The following CREBRF variants were observed in gnomAD, a reference collection of about 807,000 sequenced individuals.
CREBRF encodes CREB3 regulatory factor.
A neutral mutation model predicts 66.1 loss-of-function variants in CREBRF; 5 were observed. The observed-to-expected ratio is 0.08, with a 90% confidence interval of 0.04 to 0.16. The LOEUF (loss-of-function observed/expected upper bound fraction) is 0.16, where lower values mean the gene tolerates loss of function less well. CREBRF is among the 10% of genes least tolerant of loss of function. CREBRF has a pLI of 1.00. For missense variants in CREBRF, 531 were observed against 744.9 expected, an observed-to-expected ratio of 0.71 and a Z score of 3.34; for synonymous variants, 229 against 264.4, an observed-to-expected ratio of 0.87 and a Z score of 1.30.
chr5:173,106,826 T>C (rs756669785), intron 4 of CREBRF, among the ~76,000 whole-genome samples: 37 of 152,138 alleles, frequency 2.4e-4, no homozygotes, highest in Non-Finnish European at 4.4e-4. Flanking sequence ...CTTGGCTCAC[T>C]GCAACCTCTG....
intron 1 of CREBRF, 56 bp from the exon 2 acceptor site, chr5:173,080,529 A>G: frequency 1.9e-6 from 1 of 529,680 alleles, no homozygotes; most frequent in Admixed American, 3.3e-5. Flanking sequence ...TTTTTTTTTG[A>G]AACATCAACT....
intron 3 of CREBRF, among the ~76,000 whole-genome samples, chr5:173,089,185 A>C (rs1192764975): frequency 2.7e-5 from 4 of 149,962 alleles, no homozygotes; most frequent in South Asian, 2.1e-4. Context: ...TCAAAAAAAA[A>C]AAAAACAAAA....
intron 7 of CREBRF, among the ~76,000 whole-genome samples, chr5:173,115,845 C>T (rs3131914): frequency 0.019 from 2,800 of 151,152 alleles, 25 homozygotes; most frequent in Non-Finnish European, 0.031. Flanking sequence ...CTCCTGACCT[C>T]GTGATCCGCC....
At chr5:173,070,667 C>T (rs1234529623) in intron 1 of CREBRF, among the ~76,000 whole-genome samples, 1 of 151,978 alleles carries the variant, frequency 6.6e-6, no homozygotes, top group Non-Finnish European at 1.5e-5. Context: ...AAATATCACT[C>T]TTCTTGGAAA....
chr5:173,083,980 C>G (rs1262038681), intron 2 of CREBRF, among the ~76,000 whole-genome samples: 2 of 152,070 alleles, frequency 1.3e-5, no homozygotes, highest in Non-Finnish European at 2.9e-5. Context: ...AAAAAATCAG[C>G]AAATGGCAGA....
chr5:173,088,215 G>T (rs1029980204), intron 3 of CREBRF, among the ~76,000 whole-genome samples: 3 of 148,918 alleles, frequency 2.0e-5, no homozygotes, highest in African/African-American at 7.4e-5. Context: ...TTCCATTCTG[G>T]AGGCTCCAGG....
chr5:173,057,808 G>A (rs1446098818), intron 1 of CREBRF: 1 of 129,466 alleles, frequency 7.7e-6, no homozygotes, highest in Non-Finnish European at 1.7e-5. Context: ...GCTGGGCGGG[G>A]TTTCTTTTTT....
chr5:173,063,007 A>G (rs1345917251), intron 1 of CREBRF, among the ~76,000 whole-genome samples: 1 of 152,076 alleles, frequency 6.6e-6, no homozygotes, highest in Non-Finnish European at 1.5e-5. Flanking sequence ...TCGGCCTCCC[A>G]AAGTGCTGGG....
chr5:173,075,001 G>A (rs373853811), intron 1 of CREBRF, among the ~76,000 whole-genome samples: 1 of 152,140 alleles, frequency 6.6e-6, no homozygotes, highest in African/African-American at 2.4e-5. Flanking sequence ...TTGCAAGGTG[G>A]TATGGCAAAA....
chr5:173,072,739 A>G (rs1246569398), intron 1 of CREBRF, among the ~76,000 whole-genome samples: 1 of 151,990 alleles, frequency 6.6e-6, no homozygotes, highest in Non-Finnish European at 1.5e-5. Flanking sequence ...GGGCATAAGA[A>G]CTCAAGAGAG....
chr5:173,082,363 A>G (rs921672410), intron 2 of CREBRF, among the ~76,000 whole-genome samples: 1 of 151,960 alleles, frequency 6.6e-6, no homozygotes, highest in Admixed American at 6.6e-5. Flanking sequence ...CTTAAATTTT[A>G]AACTTATTTT....
In CREBRF at chr5:173,098,249, G is replaced by A. The variant is rs147659891; in HGVS notation, c.1222+6848G>A. Among the ~76,000 whole-genome samples, 57 of 150,232 alleles carry A rather than the reference G, an allele frequency of 3.8e-4. No homozygotes were observed. The East Asian group carries it at 9.4e-3, about 25-fold the overall frequency. On this transcript the variant is annotated intron_variant, in intron 4 of 8. Transcript: ENST00000296953. Reference sequence around the variant, plus strand: ...GTCACCCAGGCTGGAGCGCAGTGGCGCAATCTCTGCTCACTGCAAGCTCCG... The same window carrying A: ...GTCACCCAGGCTGGAGCGCAGTGGCACAATCTCTGCTCACTGCAAGCTCCG...
At chr5:173,061,010 C>A (rs533944521) in intron 1 of CREBRF, among the ~76,000 whole-genome samples, 8 of 152,158 alleles carry the variant, frequency 5.3e-5, no homozygotes, top group South Asian at 2.1e-4. Flanking sequence ...TTCTGTCCCC[C>A]CTGCTGGAGT....
intron 1 of CREBRF, among the ~76,000 whole-genome samples, chr5:173,059,389 T>G (rs1165184519): frequency 6.6e-6 from 1 of 150,698 alleles, no homozygotes; most frequent in East Asian, 2.0e-4. Context: ...CTGAGCCTCC[T>G]GAGTAGCTGG....
In CREBRF at chr5:173,117,304, C is replaced by T. The variant is rs542935786; in HGVS notation, c.1681+4925C>T. On this transcript the variant is annotated intron_variant, in intron 7 of 8. Transcript: ENST00000296953. Reference sequence around the variant, plus strand: ...CTGAGGGAGGAGAATCACTTAAACCCGGGAGGTATGGGTGCAGTGAGCTGA... The same window carrying T: ...CTGAGGGAGGAGAATCACTTAAACCTGGGAGGTATGGGTGCAGTGAGCTGA... Among the ~76,000 whole-genome samples the T allele has an allele frequency of 2.4e-4, 36 of 151,098 alleles. 1 individual carries two copies. The South Asian group carries it at 6.3e-3, about 26-fold the overall frequency.
intron 4 of CREBRF, among the ~76,000 whole-genome samples, chr5:173,092,939 C>T (rs1274700523): frequency 1.3e-5 from 2 of 152,116 alleles, no homozygotes; most frequent in Non-Finnish European, 2.9e-5. Context: ...TTTTACAATA[C>T]AGGAAAATTT....
intron 8 of CREBRF, among the ~76,000 whole-genome samples, chr5:173,130,886 T>C (rs1741267191): frequency 6.6e-6 from 1 of 152,158 alleles, no homozygotes; most frequent in Non-Finnish European, 1.5e-5. Context: ...TTTGCATTTT[T>C]AGTAGAGACA....
intron 4 of CREBRF, among the ~76,000 whole-genome samples, chr5:173,094,379 T>A (rs1351821527): frequency 6.6e-6 from 1 of 152,256 alleles, no homozygotes; most frequent in Admixed American, 6.5e-5. Context: ...CCATAATGAC[T>A]GTACCAATTT....
At chr5:173,131,816 T>G (rs906470209) in intron 8 of CREBRF, among the ~76,000 whole-genome samples, 2 of 152,118 alleles carry the variant, frequency 1.3e-5, no homozygotes. Flanking sequence ...CACTGCAACC[T>G]CTGCCTCCTA....
Sources: allele counts gnomAD v4.1 joint callset (sites outside exome capture counted in the v4.1 genomes callset), GRCh38; gene constraint gnomAD v4.1.1; transcripts MANE v1.5; gene names NCBI Gene and HGNC (gene_info 2026-07-23, HGNC 2026-07-21).